The following DESI2 variants were observed in gnomAD, a reference collection of about 807,000 sequenced individuals.
DESI2 encodes deubiquitinase DESI2.
In DESI2, 10 loss-of-function variants were observed where a neutral mutation model predicts 24.1. The observed-to-expected ratio is 0.41, with a 90% CI of 0.26 to 0.70. The LOEUF (loss-of-function observed/expected upper bound fraction) is 0.70. Among genes scored for constraint, DESI2 ranks in the 30% least tolerant of loss-of-function variants. The pLI is 0.29. For missense variants in DESI2, 122 were observed against 234.9 expected (o/e 0.52, Z 3.14); for synonymous variants, 71 against 87.7 (o/e 0.81, Z 1.06).
chr1:244,655,744 C>G (rs1420333434), intron 1 of DESI2, among the ~76,000 whole-genome samples: 1 of 152,172 alleles, frequency 6.6e-6, no homozygotes, highest in Admixed American at 6.5e-5. Context: ...GAACAATTGA[C>G]GTGAACAAAA....
At chr1:244,655,826 T>C (rs1374380276) in intron 1 of DESI2, among the ~76,000 whole-genome samples, 1 of 152,176 alleles carries the variant, frequency 6.6e-6, no homozygotes, top group South Asian at 2.1e-4. Flanking sequence ...GAGTAGAGCA[T>C]AAATGAAAGG....
At chr1:244,684,708 T>C (rs1174668725) in intron 1 of DESI2, among the ~76,000 whole-genome samples, 1 of 152,222 alleles carries the variant, frequency 6.6e-6, no homozygotes, top group East Asian at 1.9e-4. Context: ...TATTTAGACT[T>C]CAGTTTTTCA....
chr1:244,686,088 CTTATA>C (rs1034288998), intron 1 of DESI2, among the ~76,000 whole-genome samples: 3 of 152,222 alleles, frequency 2.0e-5, no homozygotes, highest in African/African-American at 7.2e-5. Context: ...ATTGTTTATT[CTTATA>C]TTATTACCAT....
At chr1:244,695,890 C>T (rs1210346458) in intron 4 of DESI2, among the ~76,000 whole-genome samples, 1 of 152,178 alleles carries the variant, frequency 6.6e-6, no homozygotes, top group East Asian at 1.9e-4. Flanking sequence ...CCTCCTGCCT[C>T]AGCCTCCCAA....
chr1:244,683,501 CA>C (rs1676699256), intron 1 of DESI2, among the ~76,000 whole-genome samples: 1 of 151,896 alleles, frequency 6.6e-6, no homozygotes, highest in Non-Finnish European at 1.5e-5. Flanking sequence ...TCAGTAGAGA[CA>C]GGGTTTCACC....
At chr1:244,661,193 C>G (rs1345574731) in intron 1 of DESI2, among the ~76,000 whole-genome samples, 4 of 152,118 alleles carry the variant, frequency 2.6e-5, no homozygotes. Flanking sequence ...CCCCTCAGTC[C>G]CTGGTAATCA....
chr1:244,684,539 TTTTTA>T lies in DESI2; in HGVS notation c.43-2051_43-2047del, dbSNP rs1185710271. On this transcript the variant is annotated intron_variant, in intron 1 of 4. Transcript: ENST00000302550. ...ATGCTACACATATTATGACTTGATC[TTTTTA>T]TTTTATGTGGTTTTTAAATATCTAT... Among the ~76,000 whole-genome samples, 4 of 134,532 alleles carry T rather than the reference TTTTTA, an allele frequency of 3.0e-5. No individual in the cohort carries two copies. In the East Asian group the frequency reaches 9.3e-4, roughly 31 times the overall value. The allele number at this position is 134,532 out of a possible 152,430, so 88.3% of individuals were successfully genotyped here. A position where few individuals can be genotyped will look rare whatever the true frequency, so the allele number is the denominator to read the frequency against.
At chr1:244,653,809 C>G in intron 1 of DESI2, 1 of 390,572 alleles carries the variant, frequency 2.6e-6, no homozygotes, top group Non-Finnish European at 5.2e-6. Context: ...TTCAGAAACT[C>G]CCAAGCCCCT....
intron 1 of DESI2, among the ~76,000 whole-genome samples, chr1:244,677,682 A>C (rs946992884): frequency 2.0e-5 from 3 of 152,168 alleles, no homozygotes; most frequent in African/African-American, 2.4e-5. Flanking sequence ...GTGGAGGCCA[A>C]GGTGGGAGGA....
chr1:244,692,746 A>G (rs1053478450), intron 4 of DESI2, among the ~76,000 whole-genome samples: 6 of 152,192 alleles, frequency 3.9e-5, no homozygotes, highest in African/African-American at 1.2e-4. Context: ...CATGGCTTCT[A>G]CAATACAGCT....
intron 1 of DESI2, among the ~76,000 whole-genome samples, chr1:244,670,451 AC>A (rs1676208350): frequency 6.6e-6 from 1 of 152,230 alleles, no homozygotes; most frequent in Non-Finnish European, 1.5e-5. Context: ...AATATGTAGA[AC>A]AAAATTTGAG....
intron 1 of DESI2, among the ~76,000 whole-genome samples, chr1:244,677,727 C>T (rs1196991904): frequency 1.3e-5 from 2 of 152,004 alleles, no homozygotes; most frequent in Non-Finnish European, 1.5e-5. Flanking sequence ...CAAGCTTGGG[C>T]AACATAGCGA....
Position 244,653,233 on chromosome 1 carries a change from G to A in DESI2, c.-81G>A. The A allele has an allele frequency of 5.0e-6, 7 of 1,400,266 alleles. No homozygotes were observed. Among genetic ancestry groups the A allele is most frequent in the Non-Finnish European group, 6.6e-6 (7 of 1,066,670 alleles). The allele number at this position is 1,400,266 out of a possible 1,614,324, so 86.7% of individuals were successfully genotyped here. A position where few individuals can be genotyped will look rare whatever the true frequency, so the allele number is the denominator to read the frequency against. ...TAGTGCCCGGCTCAGGCCCCCTGAA[G>A]CGCCCGCGGGGGTGAGAGCGGCCTC... On this transcript the variant is annotated 5_prime_UTR_variant, in exon 1 of 5. Transcript: ENST00000302550.
chr1:244,656,359 A>G (rs904697751), intron 1 of DESI2: 4 of 152,130 alleles, frequency 2.6e-5, no homozygotes, highest in African/African-American at 7.2e-5. Flanking sequence ...AAATAATTCT[A>G]TTGGGGGTCA....
chr1:244,683,620 A>G (rs965723259), intron 1 of DESI2, among the ~76,000 whole-genome samples: 13 of 151,718 alleles, frequency 8.6e-5, no homozygotes, highest in Non-Finnish European at 1.8e-4. Context: ...CTTTTGCCAT[A>G]TATTACTTTG....
intron 1 of DESI2, among the ~76,000 whole-genome samples, chr1:244,676,796 ATATATAT>A (rs1208769047): frequency 3.4e-5 from 5 of 147,676 alleles, no homozygotes; most frequent in Non-Finnish European, 7.5e-5. Flanking sequence ...ATTGTATAAA[ATATATAT>A]TATATATATT....
rs879234882 is a variant in DESI2 at position 244,707,389 on chromosome 1, T to A, written c.*1600T>A. 2.0e-5 allele frequency: 3 copies of A among 152,674 alleles called. No homozygotes were observed. The South Asian group carries it at 6.2e-4, about 32-fold the overall frequency. The allele number at this position is 152,674 out of a possible 1,614,324, so 9.5% of individuals were successfully genotyped here. A position where few individuals can be genotyped will look rare whatever the true frequency, so the allele number is the denominator to read the frequency against. On this transcript the variant is annotated 3_prime_UTR_variant, in exon 5 of 5. Coordinates refer to ENST00000302550, the MANE Select transcript of DESI2 (RefSeq NM_016076.5). ...CAATGAAGCCACTTAACCTAATTTA[T>A]GCTTTCGACTGTTCTGTTTCCAGAG... is the stretch of plus-strand genomic sequence containing the variant.
chr1:244,679,328 G>T (rs1302581421), intron 1 of DESI2, among the ~76,000 whole-genome samples: 1 of 152,184 alleles, frequency 6.6e-6, no homozygotes, highest in East Asian at 1.9e-4. Flanking sequence ...CTTGTAAGGA[G>T]GCGAGGACTA....
chr1:244,687,270 T>G (rs1676857746), intron 2 of DESI2, among the ~76,000 whole-genome samples: 1 of 152,236 alleles, frequency 6.6e-6, no homozygotes, highest in Non-Finnish European at 1.5e-5. Flanking sequence ...TTTATTAGGA[T>G]AAACATGTCA....
Sources: allele counts gnomAD v4.1 joint callset (sites outside exome capture counted in the v4.1 genomes callset), GRCh38; gene constraint gnomAD v4.1.1; transcripts MANE v1.5; gene names NCBI Gene and HGNC (gene_info 2026-07-23, HGNC 2026-07-21).